UBE2O: variants seen among roughly 807,000 people sequenced by gnomAD.
UBE2O encodes the protein ubiquitin conjugating enzyme E2 O.
Under a neutral mutation model 125.8 loss-of-function variants are expected in UBE2O, and 15 were observed. That is an observed-to-expected ratio of 0.12 (90% confidence interval 0.08 to 0.18). The LOEUF (loss-of-function observed/expected upper bound fraction) is 0.18. Among genes scored for constraint, UBE2O ranks in the 10% least tolerant of loss-of-function variants. The pLI is 1.00. For missense variants in UBE2O, 1,280 were observed against 1,723.6 expected (o/e 0.74, Z 4.56); for synonymous variants, 708 against 703.2 (o/e 1.01, Z -0.11).
chr17:76,450,036 G>GT (rs536770609), intron 1 of UBE2O, among the ~76,000 whole-genome samples: 38 of 151,110 alleles, frequency 2.5e-4, no homozygotes, highest in Non-Finnish European at 4.4e-4. Context: ...GGACACCTGA[G>GT]TAACAGTGAG....
At chr17:76,411,386 G>A (rs1490695735) in intron 1 of UBE2O, among the ~76,000 whole-genome samples, 1 of 152,184 alleles carries the variant, frequency 6.6e-6, no homozygotes. Context: ...GCTCCTGGAG[G>A]CCATGCCCTT....
At chr17:76,415,186 C>T (rs1312213071) in intron 1 of UBE2O, among the ~76,000 whole-genome samples, 2 of 152,162 alleles carry the variant, frequency 1.3e-5, no homozygotes, top group African/African-American at 2.4e-5. Context: ...CTCAACACCC[C>T]TCAGTGTCTG....
intron 1 of UBE2O, among the ~76,000 whole-genome samples, chr17:76,426,740 G>A (rs2072817878): frequency 6.6e-6 from 1 of 151,918 alleles, no homozygotes; most frequent in South Asian, 2.1e-4. Flanking sequence ...TTTTTTGTTG[G>A]GACTTTGGTT....
chr17:76,433,215 G>A (rs1208583443), intron 1 of UBE2O, among the ~76,000 whole-genome samples: 1 of 151,568 alleles, frequency 6.6e-6, no homozygotes. Flanking sequence ...CTAATGAATG[G>A]ATACACAAAA....
chr17:76,398,084 C>T lies in UBE2O; in HGVS notation c.2025+171G>A, dbSNP rs1200797473. 6.6e-6 allele frequency among the ~76,000 whole-genome samples: 1 copy of T among 152,264 alleles called. No homozygotes were observed. Among genetic ancestry groups the T allele is most frequent in the African/African-American group, 2.4e-5 (1 of 41,470 alleles). ...GGCAGGGAAACAAGTCCTTCTGCAG[C>T]TGCTAGTGCTGAGCGGCAGCTTGAC... On this transcript the variant is annotated intron_variant, in intron 12 of 17. Transcript: ENST00000319380. This position sits in a 1 kb window ranked among gnomAD's most constrained non-coding sequence, Gnocchi z 5.4.
chr17:76,395,992 A>G lies in UBE2O; in HGVS notation c.2810-131T>C. 6.6e-7 allele frequency: 1 copy of G among 1,505,086 alleles called. No homozygotes were observed. The highest frequency in any genetic ancestry group is 1.2e-5 in the South Asian group (1 of 85,984). The allele number at this position is 1,505,086 out of a possible 1,614,324, so 93.2% of individuals were successfully genotyped here. A position where few individuals can be genotyped will look rare whatever the true frequency, so the allele number is the denominator to read the frequency against. Reference sequence around the variant, plus strand: ...CTGCTGGCCTCAGCACTGTGACCACACAGGGAAATGGTTTGCCCTGGGGCA... The same window carrying G: ...CTGCTGGCCTCAGCACTGTGACCACGCAGGGAAATGGTTTGCCCTGGGGCA... On this transcript the variant is annotated intron_variant, in intron 14 of 17. Transcript: ENST00000319380. This position sits in a 1 kb window ranked among gnomAD's most constrained non-coding sequence, Gnocchi z 5.0.
intron 1 of UBE2O, among the ~76,000 whole-genome samples, chr17:76,429,425 C>T (rs2143839759): frequency 6.6e-6 from 1 of 151,110 alleles, no homozygotes; most frequent in South Asian, 2.1e-4. Context: ...GGCTGTAATC[C>T]CAGCTACTTG....
At chr17:76,421,185 G>A (rs1159685854) in intron 1 of UBE2O, among the ~76,000 whole-genome samples, 1 of 152,128 alleles carries the variant, frequency 6.6e-6, no homozygotes, top group Admixed American at 6.5e-5. Flanking sequence ...GAAACTCACA[G>A]CTACAGTGAG....
chr17:76,426,913 CTT>C (rs200317048), intron 1 of UBE2O, among the ~76,000 whole-genome samples: 6 of 148,380 alleles, frequency 4.0e-5, no homozygotes, highest in African/African-American at 1.5e-4. Flanking sequence ...GTAAATACAA[CTT>C]TTTTTTTTTT....
chr17:76,448,764 G>C (rs537424492), intron 1 of UBE2O, among the ~76,000 whole-genome samples: 1 of 152,264 alleles, frequency 6.6e-6, no homozygotes, highest in African/African-American at 2.4e-5. Context: ...GACAGGTGGA[G>C]ACCAGAAGGA....
rs936394579 is a variant in UBE2O at position 76,389,995 on chromosome 17, C to G, written c.*948G>C. 2 of 152,572 alleles carry G rather than the reference C, an allele frequency of 1.3e-5. No homozygotes were observed. The highest frequency in any genetic ancestry group is 6.5e-5 in the Admixed American group (1 of 15,288). The allele number at this position is 152,572 out of a possible 1,614,324, so 9.5% of individuals were successfully genotyped here. A position where few individuals can be genotyped will look rare whatever the true frequency, so the allele number is the denominator to read the frequency against. ...GGCCTGTCTCTGGGCACTAGGAGAG[C>G]CCCCGCCGGCCGTCCCCTTCGGATT... On this transcript the variant is annotated 3_prime_UTR_variant, in exon 18 of 18. Transcript: ENST00000319380.
intron 1 of UBE2O, among the ~76,000 whole-genome samples, chr17:76,436,535 C>T (rs1004859661): frequency 6.6e-6 from 1 of 152,170 alleles, no homozygotes; most frequent in African/African-American, 2.4e-5. Flanking sequence ...GACTTTCCCT[C>T]CTTGCTGGAC....
rs770230462 is a variant in UBE2O at position 76,452,924 on chromosome 17, G to A, written c.218C>T (p.Ser73Phe). The A allele has an allele frequency of 4.0e-6, 6 of 1,499,726 alleles. No homozygotes were observed. Among genetic ancestry groups the A allele is most frequent in the Admixed American group, 2.3e-5 (1 of 44,330 alleles). The allele number at this position is 1,499,726 out of a possible 1,614,324, so 92.9% of individuals were successfully genotyped here. A position where few individuals can be genotyped will look rare whatever the true frequency, so the allele number is the denominator to read the frequency against. The change falls in exon 1 of 18, where the codon TCC becomes TTC. Residue 73 changes from serine to phenylalanine, a missense_variant. Physicochemically the swap from Ser to Phe is radical, Grantham distance 155. Around this residue, in one of 10 missense-constraint regions of UBE2O, gnomAD observed 188 missense variants for 192.5 expected, o/e 0.98. Coordinates refer to ENST00000319380, the MANE Select transcript of UBE2O (RefSeq NM_022066.4). The surrounding 1 kb of genome is among the most constrained non-coding windows in gnomAD (Gnocchi z 4.4). ...GAGGCGCACCAGCCCGAAGTGCACG[G>A]AGCCACGGTAACGGCCCGACACCAG... ...HDLVSGRYRG[S>F]VHFGLVRLIH...
In UBE2O at chr17:76,391,527, A is replaced by G; in HGVS notation, c.3295T>C (p.Cys1099Arg). 6.2e-7 allele frequency: 1 copy of G among 1,614,088 alleles called. No individual in the cohort carries two copies. The highest frequency in any genetic ancestry group is 1.1e-5 in the South Asian group (1 of 91,086). ...CGGATCAGCGCCATCTCATTGTAAC[A>G]GCGACTGTTTTCATAGCCTTCCTGC... ...GLQEGYENSRCYNEMALIRVV... is the reference protein window; with the variant it reads ...GLQEGYENSRRYNEMALIRVV... Residue 1099 changes from cysteine (C) to arginine (R), a missense_variant, in exon 18 of 18, where the codon TGT becomes CGT. Transcript: ENST00000319380. This position sits in a 1 kb window ranked among gnomAD's most constrained non-coding sequence, Gnocchi z 8.4.
In UBE2O at chr17:76,395,885, A is replaced by G. The variant is rs1325568843; in HGVS notation, c.2810-24T>C. 6.2e-7 allele frequency: 1 copy of G among 1,613,754 alleles called. No individual in the cohort carries two copies. Among genetic ancestry groups the G allele is most frequent in the African/African-American group, 1.3e-5 (1 of 74,952 alleles). On this transcript the variant is annotated intron_variant, in intron 14 of 17. Transcript: ENST00000319380. The surrounding 1 kb of genome is among the most constrained non-coding windows in gnomAD (Gnocchi z 5.0). ...TGCTAGAGGGGGGAAGAGAATAGTC[A>G]GTCCCTCATGGAGAGGCCCTGGAGC...
rs1293484327 is a variant in UBE2O, at chr17:76,390,082, T to C, written c.*861A>G. The C allele has an allele frequency of 6.6e-6, 1 of 152,548 alleles. No homozygotes were observed. The highest frequency in any genetic ancestry group is 1.5e-5 in the Non-Finnish European group (1 of 68,078). 9.4% of individuals were successfully genotyped at this position (152,548 alleles called of 1,614,324 possible). ...CCTTCTAGTCCAAGAGAGGGCTGGC[T>C]CGCTTGGAGTTCAGTGAGCTGCACG... is the stretch of plus-strand genomic sequence containing the variant. On this transcript the variant is annotated 3_prime_UTR_variant, in exon 18 of 18. Coordinates refer to ENST00000319380, the MANE Select transcript of UBE2O (RefSeq NM_022066.4).
In UBE2O at chr17:76,404,257, T is replaced by A. The variant is rs1249109843; in HGVS notation, c.588+949A>T. On this transcript the variant is annotated intron_variant, in intron 3 of 17. Coordinates refer to ENST00000319380, the MANE Select transcript of UBE2O (RefSeq NM_022066.4). The surrounding 1 kb of genome is among the most constrained non-coding windows in gnomAD (Gnocchi z 4.3). Reference sequence around the variant, plus strand: ...ACTTAAAGGGGGTAAATGGTGAGTTTATGGTGGAGAGACCTGGTGGACACC... The same window carrying A: ...ACTTAAAGGGGGTAAATGGTGAGTTAATGGTGGAGAGACCTGGTGGACACC... Among the ~76,000 whole-genome samples, 1 of 152,126 alleles carries A rather than the reference T, an allele frequency of 6.6e-6. No individual in the cohort carries two copies. The highest frequency in any genetic ancestry group is 2.4e-5 in the African/African-American group (1 of 41,424).
At chr17:76,424,870 A>C (rs199992045) in intron 1 of UBE2O, among the ~76,000 whole-genome samples, 217 of 134,950 alleles carry the variant, frequency 1.6e-3, no homozygotes, top group Middle Eastern at 3.8e-3. Flanking sequence ...TTTATTTTTT[A>C]TTTTTTTTTT....
At chr17:76,417,577 C>G (rs2072636150) in intron 1 of UBE2O, among the ~76,000 whole-genome samples, 1 of 152,142 alleles carries the variant, frequency 6.6e-6, no homozygotes, top group Non-Finnish European at 1.5e-5. Flanking sequence ...ACACACCCAC[C>G]ACCAGTGATA....
Sources: allele counts gnomAD v4.1 joint callset (sites outside exome capture counted in the v4.1 genomes callset), GRCh38; gene constraint gnomAD v4.1.1; regional missense constraint gnomAD v4.1.1; non-coding constraint Gnocchi (gnomAD v3.1); transcripts MANE v1.5; gene names NCBI Gene and HGNC (gene_info 2026-07-23, HGNC 2026-07-21).